Variants in TRABD2B observed in about 807,000 individuals in gnomAD.
The protein encoded by TRABD2B is TraB domain containing 2B.
In TRABD2B, 14 loss-of-function variants were observed where a neutral mutation model predicts 40.1. The observed-to-expected ratio is 0.35, with a 90% CI of 0.23 to 0.55. The LOEUF is 0.55. TRABD2B is among the 20% of genes least tolerant of loss of function. The pLI is 0.90. For missense variants in TRABD2B, 541 were observed against 648.6 expected, an observed-to-expected ratio of 0.83 and a Z score of 1.80; for synonymous variants, 263 against 277.0, an observed-to-expected ratio of 0.95 and a Z score of 0.50.
chr1:47,997,007 G>A lies in TRABD2B; in HGVS notation c.-218C>T, dbSNP rs1646103249. On this transcript the variant is annotated 5_prime_UTR_variant, in exon 1 of 7. Transcript: ENST00000606738. ...GGAAGAGGGAGACCCTCTAGGGCTGGGCCCCTCCCCCGGGCGCTCAACCTC... is the reference window on the plus strand; with the variant it reads ...GGAAGAGGGAGACCCTCTAGGGCTGAGCCCCTCCCCCGGGCGCTCAACCTC... 1 of 1,081,394 alleles carries A rather than the reference G, an allele frequency of 9.2e-7. No individual in the cohort carries two copies. The highest frequency in any genetic ancestry group is 1.7e-5 in the African/African-American group (1 of 59,612). 67.0% of individuals were successfully genotyped at this position (1,081,394 alleles called of 1,614,324 possible). A position where few individuals can be genotyped will look rare whatever the true frequency, so the allele number is the denominator to read the frequency against.
intron 2 of TRABD2B, among the ~76,000 whole-genome samples, chr1:47,951,447 G>A (rs372597068): frequency 8.0e-4 from 122 of 152,328 alleles, no homozygotes; most frequent in African/African-American, 2.5e-3. Flanking sequence ...CCTGAGCCTA[G>A]AACAGACTGG....
intron 3 of TRABD2B, among the ~76,000 whole-genome samples, chr1:47,800,424 A>G (rs1644806820): frequency 6.6e-6 from 1 of 152,168 alleles, no homozygotes; most frequent in Non-Finnish European, 1.5e-5. Context: ...AGCCAGTGCA[A>G]AGGCAGAAGC....
chr1:47,890,392 T>G (rs1644428845), intron 2 of TRABD2B, among the ~76,000 whole-genome samples: 1 of 152,124 alleles, frequency 6.6e-6, no homozygotes, highest in Non-Finnish European at 1.5e-5. Flanking sequence ...GCAGCAGTGA[T>G]AGGCTGGTGG....
At chr1:47,823,915 G>A (rs568818088) in intron 2 of TRABD2B, among the ~76,000 whole-genome samples, 2 of 152,312 alleles carry the variant, frequency 1.3e-5, no homozygotes, top group Non-Finnish European at 2.9e-5. Context: ...GGGCTCTTCT[G>A]GGGCCTGCCT....
At chr1:47,769,934 G>A (rs957106979) in intron 6 of TRABD2B, among the ~76,000 whole-genome samples, 17 of 89,468 alleles carry the variant, frequency 1.9e-4, no homozygotes, top group African/African-American at 5.9e-4. Flanking sequence ...AAGCCAGAGC[G>A]AGATCTTAGG....
rs887911427 is a variant in TRABD2B, at chr1:47,762,597, G to A, written c.*3305C>T. On this transcript the variant is annotated 3_prime_UTR_variant, in exon 7 of 7. Transcript: ENST00000606738. ...TTGTAGATAACACATTATTTAGCATGAAGAAAATATGCTTAGGGTCTTTCA... is the reference window on the plus strand; with the variant it reads ...TTGTAGATAACACATTATTTAGCATAAAGAAAATATGCTTAGGGTCTTTCA... 3 of 152,176 alleles carry A rather than the reference G, an allele frequency of 2.0e-5. No homozygotes were observed. The highest frequency in any genetic ancestry group is 7.2e-5 in the African/African-American group (3 of 41,444). 9.4% of individuals were successfully genotyped at this position (152,176 alleles called of 1,614,324 possible).
intron 2 of TRABD2B, among the ~76,000 whole-genome samples, chr1:47,931,521 T>C (rs1233665499): frequency 6.6e-6 from 1 of 152,134 alleles, no homozygotes; most frequent in Non-Finnish European, 1.5e-5. Flanking sequence ...CAGGACTCAG[T>C]AACACTGGCC....
chr1:47,886,850 G>A (rs1644377858), intron 2 of TRABD2B, among the ~76,000 whole-genome samples: 1 of 152,152 alleles, frequency 6.6e-6, no homozygotes, highest in African/African-American at 2.4e-5. Context: ...TTGGTCCGGG[G>A]CCATTTCATC....
intron 2 of TRABD2B, among the ~76,000 whole-genome samples, chr1:47,963,401 G>C (rs1645550966): frequency 6.6e-6 from 1 of 152,154 alleles, no homozygotes; most frequent in Non-Finnish European, 1.5e-5. Flanking sequence ...CTCAGGCCAG[G>C]GCATTTTCCC....
chr1:47,855,279 A>G (rs956791521), intron 2 of TRABD2B, among the ~76,000 whole-genome samples: 2 of 152,306 alleles, frequency 1.3e-5, no homozygotes, highest in South Asian at 2.1e-4. Context: ...TTTGTTTCAC[A>G]TGTTTTTTAA....
At chr1:47,799,166 G>T (rs1644786302) in intron 3 of TRABD2B, among the ~76,000 whole-genome samples, 1 of 152,186 alleles carries the variant, frequency 6.6e-6, no homozygotes, top group African/African-American at 2.4e-5. Flanking sequence ...CCGTTTCTCA[G>T]CTTAGGGTCA....
At chr1:47,820,232 C>G (rs537417443) in intron 2 of TRABD2B, 1 of 152,222 alleles carries the variant, frequency 6.6e-6, no homozygotes, top group South Asian at 2.1e-4. Context: ...GTCGTGTGAA[C>G]AAATGAATGA....
chr1:47,872,667 AC>A, intron 2 of TRABD2B, among the ~76,000 whole-genome samples: 1 of 152,328 alleles, frequency 6.6e-6, no homozygotes, highest in South Asian at 2.1e-4. Flanking sequence ...TGAGATGTCT[AC>A]TAAGAAGCTG....
chr1:47,910,704 G>A (rs143724819), intron 2 of TRABD2B, among the ~76,000 whole-genome samples: 195 of 152,264 alleles, frequency 1.3e-3, no homozygotes, highest in Non-Finnish European at 2.2e-3. Flanking sequence ...TTTCTCTCTC[G>A]GAGCCTGTGT....
intron 2 of TRABD2B, among the ~76,000 whole-genome samples, chr1:47,959,024 A>G (rs898055343): frequency 1.3e-5 from 2 of 152,252 alleles, no homozygotes; most frequent in African/African-American, 4.8e-5. Context: ...CTCAGACCAC[A>G]GTGCAATCAA....
At chr1:47,983,813 TG>T (rs1645877358) in intron 2 of TRABD2B, among the ~76,000 whole-genome samples, 1 of 151,386 alleles carries the variant, frequency 6.6e-6, no homozygotes. Flanking sequence ...GTGTCCTTGT[TG>T]GGGACGGGAG....
At chr1:47,791,880 T>C (rs1030366290) in intron 4 of TRABD2B, among the ~76,000 whole-genome samples, 8 of 152,206 alleles carry the variant, frequency 5.3e-5, no homozygotes, top group African/African-American at 1.9e-4. Flanking sequence ...CCTTGGATCA[T>C]AGATCCTGGG....
intron 2 of TRABD2B, among the ~76,000 whole-genome samples, chr1:47,848,965 A>G (rs866162298): frequency 2.0e-4 from 31 of 152,318 alleles, no homozygotes; most frequent in South Asian, 1.2e-3. Flanking sequence ...GTGGGTCCCC[A>G]TCGGCAACCC....
rs192741295 is a variant in TRABD2B at position 47,959,315 on chromosome 1, C to T, written c.666+34719G>A. On this transcript the variant is annotated intron_variant, in intron 2 of 6. Coordinates refer to ENST00000606738, the MANE Select transcript of TRABD2B (RefSeq NM_001194986.2). ...ACAATTAAAAGAACTAGAGAAGCAACGGCAAACACATTCAAAAGCCAGCAG... is the reference window on the plus strand; with the variant it reads ...ACAATTAAAAGAACTAGAGAAGCAATGGCAAACACATTCAAAAGCCAGCAG... Among the ~76,000 whole-genome samples the T allele has an allele frequency of 3.8e-3, 577 of 152,052 alleles. 3 individuals are homozygous for T. The highest frequency in any genetic ancestry group is 0.013 in the African/African-American group (539 of 41,456).
Sources: allele counts gnomAD v4.1 joint callset (sites outside exome capture counted in the v4.1 genomes callset), GRCh38; gene constraint gnomAD v4.1.1; transcripts MANE v1.5; gene names NCBI Gene and HGNC (gene_info 2026-07-23, HGNC 2026-07-21).